IFT57: variants seen among roughly 807,000 people sequenced by gnomAD.
The protein encoded by IFT57 is intraflagellar transport 57.
IFT57 carries 59 observed loss-of-function variants against 56.8 expected under a neutral mutation model. The ratio of observed to expected loss-of-function variants is 1.04; its 90% CI spans 0.84 to 1.29. IFT57 has a LOEUF of 1.29. Ranked by LOEUF, IFT57 falls within the 50% of genes most tolerant of loss-of-function variation. The pLI, the probability that IFT57 is intolerant of heterozygous loss-of-function variation, is 0.00. For missense variants in IFT57, 470 were observed against 522.1 expected (o/e 0.90, Z 0.97); for synonymous variants, 209 against 186.1 (o/e 1.12, Z -1.00).
rs375684447 is a variant in IFT57, at chr3:108,191,616, C to G, written c.682G>C (p.Asp228His). The G allele has an allele frequency of 1.9e-5, 30 of 1,608,504 alleles. No homozygotes were observed. The African/African-American group carries it at 3.2e-4, about 17-fold the overall frequency. Residue 228 changes from aspartate (D) to histidine (H), a missense_variant, in exon 6 of 11, where the codon GAT (aspartate) becomes CAT (histidine). Coordinates refer to ENST00000264538, the MANE Select transcript of IFT57 (RefSeq NM_018010.4). ...GCATCTGTTGTGGATTCCAAAATATCTTCTTGTTTGGCAGTCTCGTTCATA... is the reference window on the plus strand; with the variant it reads ...GCATCTGTTGTGGATTCCAAAATATGTTCTTGTTTGGCAGTCTCGTTCATA... ...LDMNETAKQE[D>H]ILESTTDAAE...
At chr3:108,205,063 A>C (rs1418874590) in intron 5 of IFT57, among the ~76,000 whole-genome samples, 1 of 152,116 alleles carries the variant, frequency 6.6e-6, no homozygotes, top group Non-Finnish European at 1.5e-5. Context: ...TCATTCATTT[A>C]AGAGGTTTTT....
At chr3:108,167,474 C>T (rs1181937987) in intron 7 of IFT57, among the ~76,000 whole-genome samples, 1 of 151,688 alleles carries the variant, frequency 6.6e-6, no homozygotes, top group Non-Finnish European at 1.5e-5. Context: ...AGTTCTAGAC[C>T]TTGCTGGTCT....
chr3:108,177,148 A>G (rs2080128591), intron 6 of IFT57, among the ~76,000 whole-genome samples: 1 of 151,856 alleles, frequency 6.6e-6, no homozygotes, highest in Non-Finnish European at 1.5e-5. Flanking sequence ...TTGAGTTCTT[A>G]CAAGAAGGTT....
chr3:108,203,165 G>A (rs1053595229), intron 5 of IFT57, among the ~76,000 whole-genome samples: 1 of 152,188 alleles, frequency 6.6e-6, no homozygotes, highest in African/African-American at 2.4e-5. Context: ...GGCCTCCAGG[G>A]GGTGAGCTAA....
intron 4 of IFT57, among the ~76,000 whole-genome samples, chr3:108,207,095 G>A (rs1576047431): frequency 6.6e-6 from 1 of 152,084 alleles, no homozygotes; most frequent in East Asian, 1.9e-4. Context: ...AACTGAAATG[G>A]ACAAAAATGA....
At position 108,222,177 on chromosome 3, in the gene IFT57, T is replaced by G; in HGVS notation, c.146A>C (p.Glu49Ala). ...HMFVVMEDLV[E>A]KLKLLRYEEE... The stretch of plus-strand genomic sequence containing the variant: ...CTCGTAGCGGAGCAGCTTCAGCTTC[T>G]CCACCAAGTCCTCCATCACCACGAA... Residue 49 changes from glutamate (E) to alanine (A), a missense_variant, in exon 1 of 11, where the codon GAG becomes GCG. Transcript: ENST00000264538. 1 of 1,614,008 alleles carries G rather than the reference T, an allele frequency of 6.2e-7. No homozygotes were observed. The highest frequency in any genetic ancestry group is 2.2e-5 in the East Asian group (1 of 44,866).
chr3:108,206,060 ATATATAAT>A (rs1172356463), intron 5 of IFT57, among the ~76,000 whole-genome samples: 10,406 of 124,410 alleles, frequency 0.084, 476 homozygotes, highest in Non-Finnish European at 0.099. Flanking sequence ...TATATTATTT[ATATATAAT>A]AATATATTAT....
At chr3:108,182,597 A>G (rs1024860598) in intron 6 of IFT57, among the ~76,000 whole-genome samples, 2 of 152,260 alleles carry the variant, frequency 1.3e-5, no homozygotes, top group Non-Finnish European at 2.9e-5. Flanking sequence ...TTTATGTTAA[A>G]CCAAAATCCA....
chr3:108,163,441 A>G lies in IFT57; in HGVS notation c.1111+222T>C, dbSNP rs796187861. Among the ~76,000 whole-genome samples the G allele has an allele frequency of 3.4e-4, 52 of 152,274 alleles. 3 individuals are homozygous for G. Among genetic ancestry groups the G allele is most frequent in the African/African-American group, 1.2e-3 (48 of 41,570 alleles). ...TCCCACTCTTTGAATCAATAGTTTGAATGTTAAAAACCTCTAAATTATAGT... is the reference window on the plus strand; with the variant it reads ...TCCCACTCTTTGAATCAATAGTTTGGATGTTAAAAACCTCTAAATTATAGT... On this transcript the variant is annotated intron_variant, in intron 10 of 10. Coordinates refer to ENST00000264538, the MANE Select transcript of IFT57 (RefSeq NM_018010.4).
intron 6 of IFT57, among the ~76,000 whole-genome samples, chr3:108,189,425 T>A (rs1576039298): frequency 6.6e-6 from 1 of 152,342 alleles, no homozygotes; most frequent in East Asian, 1.9e-4. Flanking sequence ...ATAAATTAGC[T>A]TCTAAGGCAT....
intron 6 of IFT57, among the ~76,000 whole-genome samples, chr3:108,176,908 C>T (rs1349414207): frequency 6.6e-6 from 1 of 151,766 alleles, no homozygotes; most frequent in Non-Finnish European, 1.5e-5. Flanking sequence ...CTAAGCACTA[C>T]TGGTAAATCA....
chr3:108,166,645 T>G (rs2080064994), intron 8 of IFT57, among the ~76,000 whole-genome samples: 2 of 152,058 alleles, frequency 1.3e-5, no homozygotes, highest in African/African-American at 4.8e-5. Flanking sequence ...AGACGTGCAT[T>G]TAAAGACTTC....
chr3:108,196,386 G>A (rs1481466451), intron 5 of IFT57, among the ~76,000 whole-genome samples: 1 of 152,064 alleles, frequency 6.6e-6, no homozygotes. Context: ...GATTGTTCAA[G>A]TTGTGAATAA....
chr3:108,166,151 C>A (rs2080061662), intron 8 of IFT57, among the ~76,000 whole-genome samples: 1 of 152,008 alleles, frequency 6.6e-6, no homozygotes, highest in Non-Finnish European at 1.5e-5. Context: ...TTTACTTCTA[C>A]TTTTTTCTCT....
Position 108,222,380 on chromosome 3 carries a change from C to A in IFT57, c.-58G>T, listed in dbSNP as rs1228938790. 28 of 1,499,728 alleles carry A rather than the reference C, an allele frequency of 1.9e-5. No homozygotes were observed. In the South Asian group the frequency reaches 3.5e-4, roughly 19 times the overall value. The allele number at this position is 1,499,728 out of a possible 1,614,324, so 92.9% of individuals were successfully genotyped here. A position where few individuals can be genotyped will look rare whatever the true frequency, so the allele number is the denominator to read the frequency against. The stretch of plus-strand genomic sequence containing the variant: ...GCCCACAGACCTCTGCGGCCTAAGC[C>A]GCCAGCCCTGCCGCCGCCAGTACAG... On this transcript the variant is annotated 5_prime_UTR_variant, in exon 1 of 11. Transcript: ENST00000264538.
intron 5 of IFT57, among the ~76,000 whole-genome samples, chr3:108,204,514 G>T (rs2080298787): frequency 6.6e-6 from 1 of 152,192 alleles, no homozygotes; most frequent in African/African-American, 2.4e-5. Flanking sequence ...AGGAATCCCA[G>T]GTGGCCTTCA....
At position 108,191,565 on chromosome 3, in the gene IFT57, G is replaced by A. The variant is rs371129548; in HGVS notation, c.733C>T (p.Arg245Cys). ...GTGACTTTCAGTTGCGGTAGTACAC[G>A]TTCCACTTCTAGGCTCCATTCTGCA... is the stretch of plus-strand genomic sequence containing the variant. ...DAAEWSLEVE[R>C]VLPQLKVTIR... The change falls in exon 6 of 11, where the codon CGT becomes TGT. Residue 245 changes from arginine (R) to cysteine (C), a missense_variant. Arg to Cys is a radical substitution (Grantham distance 180, BLOSUM62 -3). Coordinates refer to ENST00000264538, the MANE Select transcript of IFT57 (RefSeq NM_018010.4). The A allele has an allele frequency of 3.7e-5, 59 of 1,606,852 alleles. No individual in the cohort carries two copies. Among genetic ancestry groups the A allele is most frequent in the Non-Finnish European group, 4.7e-5 (55 of 1,175,742 alleles).
intron 6 of IFT57, among the ~76,000 whole-genome samples, chr3:108,170,895 A>G (rs1233766257): frequency 6.6e-6 from 1 of 152,010 alleles, no homozygotes; most frequent in Non-Finnish European, 1.5e-5. Flanking sequence ...AAAACAAACA[A>G]TGGGGAAAGG....
At chr3:108,216,887 T>C (rs987668667) in intron 3 of IFT57, among the ~76,000 whole-genome samples, 3 of 151,904 alleles carry the variant, frequency 2.0e-5, no homozygotes, top group East Asian at 1.9e-4. Context: ...ACAAATATCA[T>C]AGAAGTAGAG....
Sources: gnomAD v4.1 joint callset for allele counts (sites outside exome capture counted in the v4.1 genomes callset) on GRCh38, gnomAD v4.1.1 for gene constraint, MANE v1.5 for transcripts, NCBI Gene and HGNC (gene_info 2026-07-23, HGNC 2026-07-21) for gene names.